The following STXBP5 variants were observed in gnomAD, a reference collection of about 807,000 sequenced individuals.
STXBP5 encodes the protein syntaxin-binding protein 5.
In STXBP5, 50 loss-of-function variants were observed where a neutral mutation model predicts 152.4. That is an observed-to-expected ratio of 0.33 (90% CI 0.26 to 0.42). The LOEUF is 0.42. Ranked by LOEUF, STXBP5 falls within the 10% of genes least tolerant of loss-of-function variation. The pLI, the probability that STXBP5 is intolerant of heterozygous loss-of-function variation, is 1.00. For missense variants in STXBP5, 1,167 were observed against 1,388.6 expected (o/e 0.84, Z 2.54); for synonymous variants, 492 against 494.7 (o/e 0.99, Z 0.07).
intron 2 of STXBP5, among the ~76,000 whole-genome samples, chr6:147,234,408 A>C (rs1329496083): frequency 4.0e-5 from 6 of 151,614 alleles, no homozygotes; most frequent in Non-Finnish European, 3.0e-5. Flanking sequence ...AGCATACTTT[A>C]TTAATTTAGA....
At position 147,206,073 on chromosome 6, in the gene STXBP5, CCTTT is replaced by C. The variant is rs1368489347; in HGVS notation, c.248+10_248+13del. The C allele has an allele frequency of 8.7e-6, 14 of 1,610,218 alleles. No homozygotes were observed. The highest frequency in any genetic ancestry group is 1.3e-5 in the African/African-American group (1 of 74,922). On this transcript the variant is annotated splice_donor_region_variant and intron_variant, in intron 2 of 27. Transcript: ENST00000321680. ...TCAGACTGGTGCTTTAAGGCTGTAT[CCTTT>C]CTTTAATTTTATTTTTTAACTTCTA...
At chr6:147,311,331 C>A (rs1455985380) in intron 10 of STXBP5, 124 bp from the exon 11 acceptor site, 2 of 784,268 alleles carry the variant, frequency 2.6e-6, no homozygotes, top group East Asian at 2.7e-5. Flanking sequence ...CATGAAGTAT[C>A]ATAGGATCAG....
chr6:147,217,483 G>A (rs1292525114), intron 2 of STXBP5, among the ~76,000 whole-genome samples: 1 of 152,134 alleles, frequency 6.6e-6, no homozygotes, highest in East Asian at 1.9e-4. Context: ...TCCTTTAAAA[G>A]TATATTTATC....
intron 2 of STXBP5, among the ~76,000 whole-genome samples, chr6:147,209,776 A>ATAAG (rs1411883487): frequency 6.6e-6 from 1 of 152,188 alleles, no homozygotes; most frequent in Non-Finnish European, 1.5e-5. Flanking sequence ...ACATTGGTAG[A>ATAAG]TAAGTATTCA....
At chr6:147,282,111 A>G (rs1780729933) in intron 8 of STXBP5, among the ~76,000 whole-genome samples, 1 of 152,202 alleles carries the variant, frequency 6.6e-6, no homozygotes, top group African/African-American at 2.4e-5. Context: ...CTATTCATAT[A>G]TGGCTCTAGG....
At chr6:147,268,084 A>G (rs887880593) in intron 7 of STXBP5, among the ~76,000 whole-genome samples, 4 of 152,160 alleles carry the variant, frequency 2.6e-5, no homozygotes, top group African/African-American at 9.7e-5. Flanking sequence ...AATGGTTTCC[A>G]TGATGACCAA....
At chr6:147,343,550 T>C (rs1386122799) in intron 21 of STXBP5, among the ~76,000 whole-genome samples, 4 of 152,154 alleles carry the variant, frequency 2.6e-5, no homozygotes, top group Admixed American at 2.6e-4. Context: ...GGTAGTGACT[T>C]AGGACTGGAA....
intron 25 of STXBP5, among the ~76,000 whole-genome samples, chr6:147,373,182 C>T (rs181487471): frequency 7.2e-4 from 109 of 151,956 alleles, no homozygotes; most frequent in African/African-American, 2.5e-3. Context: ...GCCTGGCCAA[C>T]ATGGCGCAAA....
At chr6:147,295,450 C>G (rs936382938) in intron 9 of STXBP5, among the ~76,000 whole-genome samples, 10 of 152,316 alleles carry the variant, frequency 6.6e-5, no homozygotes, top group Admixed American at 4.6e-4. Flanking sequence ...CACCATCCCC[C>G]CCACACACGC....
intron 8 of STXBP5, among the ~76,000 whole-genome samples, chr6:147,283,014 T>G (rs1780774423): frequency 6.6e-6 from 1 of 152,184 alleles, no homozygotes; most frequent in Non-Finnish European, 1.5e-5. Context: ...AAGAAAATTT[T>G]CTAATTTGTG....
At chr6:147,349,107 C>G (rs1453407483) in intron 21 of STXBP5, among the ~76,000 whole-genome samples, 4 of 151,832 alleles carry the variant, frequency 2.6e-5, no homozygotes, top group Admixed American at 2.6e-4. Context: ...TCTGATATAG[C>G]CCTCTGAATC....
intron 9 of STXBP5, among the ~76,000 whole-genome samples, 174 bp downstream of exon 9, chr6:147,291,346 C>CT (rs1006377944): frequency 1.3e-5 from 2 of 151,920 alleles, no homozygotes; most frequent in African/African-American, 4.8e-5. Context: ...GGATAAAATA[C>CT]TTTTTTGTGT....
At chr6:147,213,169 T>TA (rs1165558639) in intron 2 of STXBP5, among the ~76,000 whole-genome samples, 2 of 152,116 alleles carry the variant, frequency 1.3e-5, no homozygotes, top group African/African-American at 4.8e-5. Flanking sequence ...AACTGGACTA[T>TA]AGGTTTGAGT....
At chr6:147,280,086 A>G (rs546412948) in intron 8 of STXBP5, among the ~76,000 whole-genome samples, 2 of 150,278 alleles carry the variant, frequency 1.3e-5, no homozygotes, top group East Asian at 3.9e-4. Flanking sequence ...TTTAATAAGG[A>G]CATTTTTCTA....
At chr6:147,338,048 C>T (rs1783916923) in intron 19 of STXBP5, among the ~76,000 whole-genome samples, 1 of 152,026 alleles carries the variant, frequency 6.6e-6, no homozygotes, top group Admixed American at 6.6e-5. Context: ...AGATTCAGTG[C>T]TTTTACTGGG....
At chr6:147,262,454 C>T in intron 6 of STXBP5, 101 bp downstream of exon 6, 1 of 659,610 alleles carries the variant, frequency 1.5e-6, no homozygotes, top group Admixed American at 3.4e-5. Flanking sequence ...ATTGAGATTA[C>T]CATTGAAGGT....
intron 9 of STXBP5, chr6:147,292,287 G>A: frequency 2.2e-6 from 1 of 449,560 alleles, no homozygotes; most frequent in Non-Finnish European, 4.5e-6. Context: ...TCCAACAATA[G>A]CTATATTCCA....
chr6:147,291,219 A>G (rs541154125), intron 9 of STXBP5, 47 bp downstream of exon 9: 1 of 1,449,960 alleles, frequency 6.9e-7, no homozygotes, highest in Middle Eastern at 1.8e-4. Context: ...TAAGTCCTCA[A>G]ATAGCATGGA....
intron 6 of STXBP5, among the ~76,000 whole-genome samples, chr6:147,264,832 T>A (rs1026130389): frequency 1.3e-5 from 2 of 152,114 alleles, no homozygotes; most frequent in Non-Finnish European, 2.9e-5. Context: ...GCTGGAAGAT[T>A]ATGGGCATAA....
Sources: gnomAD v4.1 joint callset for allele counts (sites outside exome capture counted in the v4.1 genomes callset) on GRCh38, gnomAD v4.1.1 for gene constraint, MANE v1.5 for transcripts, NCBI Gene and HGNC (gene_info 2026-07-23, HGNC 2026-07-21) for gene names.